SKA3: variants seen among roughly 807,000 people sequenced by gnomAD.
SKA3 encodes spindle and kinetochore associated complex subunit 3.
Under a neutral mutation model 44.2 loss-of-function variants are expected in SKA3, and 39 were observed. That is an observed-to-expected ratio of 0.88 (90% CI 0.68 to 1.15). The LOEUF is 1.15. SKA3 is among the 50% of genes most tolerant of loss of function. SKA3 has a pLI of 0.00. For missense variants in SKA3, 511 were observed against 485.8 expected (o/e 1.05, Z -0.49); for synonymous variants, 192 against 172.0 (o/e 1.12, Z -0.91).
Position 21,155,752 on chromosome 13 carries a change from G to C in SKA3, c.1179C>G (p.Pro393=). 1 of 1,612,400 alleles carries C rather than the reference G, an allele frequency of 6.2e-7. No individual in the cohort carries two copies. The highest frequency in any genetic ancestry group is 8.5e-7 in the Non-Finnish European group (1 of 1,178,828). ...GTCCATGTTTAAGGAACCTTTTACT[G>C]GGTGGCACTGCTTTAATTGCTATTG... ...ATPIAIKAVP[P]SKRFLKHGQN... is the part of the protein sequence containing the mutation. The change falls in exon 8 of 9, where the codon CCC becomes CCG. Residue 393 remains proline, a synonymous_variant. Transcript: ENST00000314759.
In SKA3 at chr13:21,176,523, G is replaced by T. The variant is rs943375770; in HGVS notation, c.-46C>A. The T allele has an allele frequency of 4.6e-6, 5 of 1,086,120 alleles. No homozygotes were observed. The highest frequency in any genetic ancestry group is 2.2e-5 in the South Asian group (1 of 44,466). 67.3% of individuals were successfully genotyped at this position (1,086,120 alleles called of 1,614,324 possible). On this transcript the variant is annotated 5_prime_UTR_variant, in exon 1 of 9. Transcript: ENST00000314759. Reference sequence around the variant, plus strand: ...ACTCCAGGCGTACGCAGACCCCACCGCTCAGCTCACAGCCTCCCGCCACTA... The same window carrying T: ...ACTCCAGGCGTACGCAGACCCCACCTCTCAGCTCACAGCCTCCCGCCACTA...
At chr13:21,158,180 T>C (rs1565991706) in intron 6 of SKA3, 55 bp from the exon 7 acceptor site, 2 of 1,001,932 alleles carry the variant, frequency 2.0e-6, no homozygotes, top group East Asian at 4.2e-5. Flanking sequence ...ATGTAGTAAA[T>C]AAAAATAGTT....
chr13:21,163,729 A>C (rs1263489385), intron 4 of SKA3, among the ~76,000 whole-genome samples: 3 of 152,122 alleles, frequency 2.0e-5, no homozygotes, highest in East Asian at 1.9e-4. Context: ...CAAGGCTAAA[A>C]GTGTTCATAT....
Position 21,175,631 on chromosome 13 carries a change from T to C in SKA3, c.103+744A>G, listed in dbSNP as rs547578259. Among the ~76,000 whole-genome samples, 44 of 152,274 alleles carry C rather than the reference T, an allele frequency of 2.9e-4. No individual in the cohort carries two copies. In the South Asian group the frequency reaches 9.1e-3, roughly 32 times the overall value. On this transcript the variant is annotated intron_variant, in intron 1 of 8. Transcript: ENST00000314759. Reference sequence around the variant, plus strand: ...ATTCATTATATAATTAAAGTAAAAGTAGTCTGCAGGGTGTAATATTTTAAA... The same window carrying C: ...ATTCATTATATAATTAAAGTAAAAGCAGTCTGCAGGGTGTAATATTTTAAA...
At chr13:21,174,346 C>T (rs1871287255) in intron 1 of SKA3, among the ~76,000 whole-genome samples, 1 of 152,176 alleles carries the variant, frequency 6.6e-6, no homozygotes, top group Non-Finnish European at 1.5e-5. Context: ...ACCCAAATGT[C>T]CATCAATGAT....
At position 21,157,988 on chromosome 13, in the gene SKA3, A is replaced by G; in HGVS notation, c.1053T>C (p.Ser351=). 6.2e-7 allele frequency: 1 copy of G among 1,613,552 alleles called. No homozygotes were observed. Residue 351 remains serine, a synonymous_variant, in exon 7 of 9, where the codon TCT becomes TCC. Transcript: ENST00000314759. ...LTDPSSPTIS[S]YENLLRTPTP... is the part of the protein sequence containing the mutation. The stretch of plus-strand genomic sequence containing the variant: ...TAGGTGTTCTGAGCAGATTCTCATA[A>G]GAAGAAATCGTAGGTGAAGAGGGAT...
At position 21,176,335 on chromosome 13, in the gene SKA3, G is replaced by GCACCCCACGCACCGTGCCCTGGCCGCC. The variant is rs781643384; in HGVS notation, c.103+13_103+39dup. ...CTCGCCACGCCCCTCCGCCCGCGGCGCACCCCACGCACCGTGCCCTGGCCG... is the reference window on the plus strand; with the variant it reads ...CTCGCCACGCCCCTCCGCCCGCGGCGCACCCCACGCACCGTGCCCTGGCCGCCCACCCCACGCACCGTGCCCTGGCCG... On this transcript the variant is annotated intron_variant, in intron 1 of 8. Transcript: ENST00000314759. 1.5e-4 allele frequency: 194 copies of GCACCCCACGCACCGTGCCCTGGCCGCC among 1,261,818 alleles called. 1 individual carries two copies. The highest frequency in any genetic ancestry group is 1.9e-4 in the Non-Finnish European group (188 of 970,604). 78.2% of individuals were successfully genotyped at this position (1,261,818 alleles called of 1,614,324 possible). A position where few individuals can be genotyped will look rare whatever the true frequency, so the allele number is the denominator to read the frequency against.
At chr13:21,174,410 G>A (rs112011657) in intron 1 of SKA3, among the ~76,000 whole-genome samples, 1 of 151,968 alleles carries the variant, frequency 6.6e-6, no homozygotes, top group African/African-American at 2.4e-5. Context: ...CATAAAAAAG[G>A]ATAAGTTCAT....
intron 3 of SKA3, among the ~76,000 whole-genome samples, chr13:21,170,171 G>A (rs1383272645): frequency 6.6e-6 from 1 of 150,628 alleles, no homozygotes; most frequent in Non-Finnish European, 1.5e-5. Flanking sequence ...CCATTAATAG[G>A]TTATATACTT....
At position 21,165,115 on chromosome 13, in the gene SKA3, AT is replaced by A. The variant is rs562043800; in HGVS notation, c.743+2872del. ...GTTGACTTGAGGCAGAGATGACTTG[AT>A]TTTTTTTCCAGTTAACTAATTGTTC... is the stretch of plus-strand genomic sequence containing the variant. On this transcript the variant is annotated intron_variant, in intron 4 of 8. Coordinates refer to ENST00000314759, the MANE Select transcript of SKA3 (RefSeq NM_145061.6). Among the ~76,000 whole-genome samples, 6 of 151,624 alleles carry A rather than the reference AT, an allele frequency of 4.0e-5. No homozygotes were observed. The East Asian group carries it at 1.2e-3, about 29-fold the overall frequency.
chr13:21,164,247 G>GTCAAAA, intron 4 of SKA3, among the ~76,000 whole-genome samples: 1 of 152,046 alleles, frequency 6.6e-6, no homozygotes, highest in Non-Finnish European at 1.5e-5. Flanking sequence ...TGATACAGTG[G>GTCAAAA]TTTAAAGTTT....
At chr13:21,156,870 C>G in intron 7 of SKA3, among the ~76,000 whole-genome samples, 1 of 6,962 alleles carries the variant, frequency 1.4e-4, no homozygotes, top group Non-Finnish European at 3.7e-4. Context: ...ACCATCCTGG[C>G]TAACAAGGTG....
At chr13:21,176,259 CA>C in intron 1 of SKA3, 115 bp downstream of exon 1, 3 of 831,616 alleles carry the variant, frequency 3.6e-6, no homozygotes, top group Non-Finnish European at 3.5e-6. Flanking sequence ...GCCTCGGTGG[CA>C]GCCGTCCACG....
intron 6 of SKA3, 47 bp from the exon 7 acceptor site, chr13:21,158,172 G>A (rs1296095894): frequency 3.0e-6 from 3 of 1,011,810 alleles, no homozygotes; most frequent in Admixed American, 5.1e-5. Context: ...ATAACATAAT[G>A]TAGTAAATAA....
rs1062234 is a variant in SKA3, at chr13:21,176,545, A to G, written c.-68T>C. 7.3e-4 allele frequency: 720 copies of G among 992,792 alleles called. 2 individuals carry two copies. In the East Asian group the frequency reaches 0.019, roughly 27 times the overall value. 61.5% of individuals were successfully genotyped at this position (992,792 alleles called of 1,614,324 possible). A position where few individuals can be genotyped will look rare whatever the true frequency, so the allele number is the denominator to read the frequency against. On this transcript the variant is annotated 5_prime_UTR_variant, in exon 1 of 9. Transcript: ENST00000314759. ...ACCGCTCAGCTCACAGCCTCCCGCC[A>G]CTAGTTTGAATCTCGGCGCCGGACG...
At position 21,155,055 on chromosome 13, in the gene SKA3, G is replaced by T; in HGVS notation, c.*95C>A. 6.3e-7 allele frequency: 1 copy of T among 1,586,858 alleles called. No homozygotes were observed. The highest frequency in any genetic ancestry group is 8.6e-7 in the Non-Finnish European group (1 of 1,163,006). ...TTAAAATGGGTCAACGTTTAAAGGG[G>T]GACAGAGGCAGGGCAATGTGAATGT... On this transcript the variant is annotated 3_prime_UTR_variant, in exon 9 of 9. Coordinates refer to ENST00000314759, the MANE Select transcript of SKA3 (RefSeq NM_145061.6).
At chr13:21,173,210 C>A (rs1253998676) in intron 1 of SKA3, among the ~76,000 whole-genome samples, 3 of 152,108 alleles carry the variant, frequency 2.0e-5, no homozygotes, top group Non-Finnish European at 4.4e-5. Context: ...ACTCTAGAAG[C>A]CCTCTTATAG....
At position 21,157,844 on chromosome 13, in the gene SKA3, T is replaced by C; in HGVS notation, c.1119+78A>G. ...CCAATGATAAATAAGACAGTTTATA[T>C]GCAGTTTCAGGTCTTTAAATATTTC... On this transcript the variant is annotated intron_variant, in intron 7 of 8. Coordinates refer to ENST00000314759, the MANE Select transcript of SKA3 (RefSeq NM_145061.6). 3 of 1,013,132 alleles carry C rather than the reference T, an allele frequency of 3.0e-6. No homozygotes were observed. In the South Asian group the frequency reaches 4.6e-5, roughly 16 times the overall value. 62.8% of individuals were successfully genotyped at this position (1,013,132 alleles called of 1,614,324 possible).
At chr13:21,174,302 C>T (rs7331787) in intron 1 of SKA3, among the ~76,000 whole-genome samples, 139,410 of 152,160 alleles carry the variant, frequency 0.92, 64,179 homozygotes, top group East Asian at 1. Flanking sequence ...ATGTTTATTG[C>T]CGCACTATTC....
Sources: gnomAD v4.1 joint callset for allele counts (sites outside exome capture counted in the v4.1 genomes callset) on GRCh38, gnomAD v4.1.1 for gene constraint, MANE v1.5 for transcripts, NCBI Gene and HGNC (gene_info 2026-07-23, HGNC 2026-07-21) for gene names.